TAFA2: variants seen among roughly 807,000 people sequenced by gnomAD.
TAFA2 encodes chemokine-like protein TAFA-2.
In TAFA2, 7 loss-of-function variants were observed where a neutral mutation model predicts 18.8. The ratio of observed to expected loss-of-function variants is 0.37; its 90% confidence interval spans 0.21 to 0.70. The LOEUF (loss-of-function observed/expected upper bound fraction) is 0.70. TAFA2 is among the 30% of genes least tolerant of loss of function. The pLI is 0.53. For missense variants in TAFA2, 122 were observed against 158.1 expected, an observed-to-expected ratio of 0.77 and a Z score of 1.23; for synonymous variants, 60 against 54.2, an observed-to-expected ratio of 1.11 and a Z score of -0.47.
chr12:61,873,301 T>TA (rs1468832450), intron 1 of TAFA2, among the ~76,000 whole-genome samples: 15 of 76,690 alleles, frequency 2.0e-4, no homozygotes, highest in Admixed American at 2.9e-4. Context: ...ATTTATTAAT[T>TA]TTTATTATTA....
chr12:61,948,452 CAAT>C (rs1878355790), intron 1 of TAFA2, among the ~76,000 whole-genome samples: 1 of 151,840 alleles, frequency 6.6e-6, no homozygotes, highest in African/African-American at 2.4e-5. Context: ...TATATGAGAG[CAAT>C]AATGAGACAC....
chr12:61,826,881 T>G (rs934062429), intron 2 of TAFA2, among the ~76,000 whole-genome samples: 1 of 152,044 alleles, frequency 6.6e-6, no homozygotes, highest in Non-Finnish European at 1.5e-5. Flanking sequence ...AAATACTGCT[T>G]TAATTTCTAG....
rs1871710152 is a variant in TAFA2, at chr12:61,808,291, A to G, written c.107-53267T>C. 1.3e-5 allele frequency among the ~76,000 whole-genome samples: 2 copies of G among 151,560 alleles called. 1 individual carries two copies. The highest frequency in any genetic ancestry group is 4.9e-5 in the African/African-American group (2 of 40,818). The stretch of plus-strand genomic sequence containing the variant: ...TCTCTTGTCTGCCACCATGTGAGAC[A>G]TGCCTTTCACCTTCTGCCATGATTA... On this transcript the variant is annotated intron_variant, in intron 2 of 4. Coordinates refer to ENST00000416284, the MANE Select transcript of TAFA2 (RefSeq NM_178539.5).
intron 1 of TAFA2, among the ~76,000 whole-genome samples, chr12:62,004,129 C>G (rs1003465371): frequency 6.6e-6 from 1 of 151,906 alleles, no homozygotes; most frequent in Admixed American, 6.6e-5. Context: ...AGCAAAAATA[C>G]AAAATAAATA....
At chr12:61,778,074 T>C (rs1870346966) in intron 2 of TAFA2, among the ~76,000 whole-genome samples, 1 of 151,810 alleles carries the variant, frequency 6.6e-6, no homozygotes, top group South Asian at 2.1e-4. Flanking sequence ...GTTATTTCAC[T>C]AAAAAGTCTC....
intron 1 of TAFA2, among the ~76,000 whole-genome samples, chr12:62,125,450 C>T (rs1373250198): frequency 2.0e-5 from 3 of 152,156 alleles, no homozygotes; most frequent in Non-Finnish European, 2.9e-5. Flanking sequence ...TCAGCATTCA[C>T]AGACGAAGAC....
At chr12:61,815,433 G>C (rs562390602) in intron 2 of TAFA2, among the ~76,000 whole-genome samples, 1 of 151,264 alleles carries the variant, frequency 6.6e-6, no homozygotes, top group Non-Finnish European at 1.5e-5. Flanking sequence ...TTGGGAGGCC[G>C]AGCTGGGCGG....
At chr12:62,076,021 A>G (rs1180042070) in intron 1 of TAFA2, among the ~76,000 whole-genome samples, 3 of 152,212 alleles carry the variant, frequency 2.0e-5, no homozygotes, top group Admixed American at 6.5e-5. Flanking sequence ...ATTGGCATAG[A>G]CTGAACTGAG....
intron 1 of TAFA2, among the ~76,000 whole-genome samples, chr12:62,018,265 C>A (rs567751442): frequency 3.9e-5 from 6 of 152,134 alleles, no homozygotes; most frequent in Non-Finnish European, 8.8e-5. Flanking sequence ...ACTGGAATAA[C>A]AATCATTAGT....
chr12:62,085,763 A>G (rs1868425287), intron 1 of TAFA2, among the ~76,000 whole-genome samples: 1 of 152,150 alleles, frequency 6.6e-6, no homozygotes, highest in Non-Finnish European at 1.5e-5. Flanking sequence ...GTAAGAGCTA[A>G]AACTGTAAGA....
chr12:61,941,664 C>A (rs866187385), intron 1 of TAFA2, among the ~76,000 whole-genome samples: 275 of 152,324 alleles, frequency 1.8e-3, no homozygotes, highest in African/African-American at 4.7e-3. Flanking sequence ...TCAGGGAGTT[C>A]CCTTTCCGAG....
chr12:61,793,426 G>A (rs887730847), intron 2 of TAFA2, among the ~76,000 whole-genome samples: 6 of 151,220 alleles, frequency 4.0e-5, no homozygotes, highest in Admixed American at 1.3e-4. Context: ...AAAAGTGATG[G>A]TACTACAGAT....
At chr12:62,185,819 GA>G (rs1409811506) in intron 1 of TAFA2, among the ~76,000 whole-genome samples, 1 of 152,126 alleles carries the variant, frequency 6.6e-6, no homozygotes, top group Non-Finnish European at 1.5e-5. Flanking sequence ...TAAGGTCCTG[GA>G]AGGCCTGCCC....
chr12:61,888,636 T>A (rs1429237733), intron 1 of TAFA2, among the ~76,000 whole-genome samples: 1 of 152,078 alleles, frequency 6.6e-6, no homozygotes, highest in African/African-American at 2.4e-5. Context: ...GTTTAAAAGA[T>A]CAAGTAGATA....
At chr12:61,902,401 G>A (rs868154362) in intron 1 of TAFA2, among the ~76,000 whole-genome samples, 3 of 152,140 alleles carry the variant, frequency 2.0e-5, no homozygotes, top group African/African-American at 7.2e-5. Flanking sequence ...TATCTCCTGT[G>A]CTAGAGTTAA....
intron 1 of TAFA2, among the ~76,000 whole-genome samples, chr12:62,075,891 G>A (rs1868247137): frequency 6.6e-6 from 1 of 152,126 alleles, no homozygotes; most frequent in African/African-American, 2.4e-5. Flanking sequence ...GAATTTTATT[G>A]TTTATAAACC....
intron 2 of TAFA2, among the ~76,000 whole-genome samples, chr12:61,773,070 G>C (rs1233021411): frequency 6.6e-6 from 1 of 151,842 alleles, no homozygotes. Flanking sequence ...CAGTGACCAA[G>C]CTGAGAATCA....
chr12:61,966,597 G>A (rs1414832033), intron 1 of TAFA2, among the ~76,000 whole-genome samples: 2 of 151,850 alleles, frequency 1.3e-5, no homozygotes, highest in African/African-American at 4.8e-5. Flanking sequence ...ATGGGTATGA[G>A]GTGCCATTAA....
In TAFA2 at chr12:62,035,733, CTT is replaced by C. The variant is rs34859628; in HGVS notation, c.-2+155524_-2+155525del. 5.8e-3 allele frequency among the ~76,000 whole-genome samples: 348 copies of C among 60,198 alleles called. 3 individuals carry two copies. Among genetic ancestry groups the C allele is most frequent in the African/African-American group, 0.025 (332 of 13,224 alleles). The allele number at this position is 60,198 out of a possible 152,430, so 39.5% of individuals were successfully genotyped here. On this transcript the variant is annotated intron_variant, in intron 1 of 4. Transcript: ENST00000416284. ...TGACGCTAGGGGTCAATGATTCTTT[CTT>C]TTTTTTTTTTTTTTTTTTTTTTTTG...
Sources: allele counts gnomAD v4.1 joint callset (sites outside exome capture counted in the v4.1 genomes callset), GRCh38; gene constraint gnomAD v4.1.1; transcripts MANE v1.5; gene names NCBI Gene and HGNC (gene_info 2026-07-23, HGNC 2026-07-21).